The following SRPRB variants were observed in gnomAD, a reference collection of about 807,000 sequenced individuals.
The protein encoded by SRPRB is SRP receptor subunit beta.
In SRPRB, 20 loss-of-function variants were observed where a neutral mutation model predicts 31.9. That is an observed-to-expected ratio of 0.63 (90% CI 0.44 to 0.91). The LOEUF is 0.91. Among genes scored for constraint, SRPRB ranks in the 40% least tolerant of loss-of-function variants. The pLI is 0.00. For missense variants in SRPRB, 321 were observed against 324.9 expected (o/e 0.99, Z 0.09); for synonymous variants, 146 against 132.8 (o/e 1.10, Z -0.68).
chr3:133,807,663 C>T (rs1935186826), intron 2 of SRPRB, 83 bp from the exon 3 acceptor site: 5 of 927,404 alleles, frequency 5.4e-6, no homozygotes, highest in East Asian at 4.9e-5. Flanking sequence ...CTTAACCTTA[C>T]ACCTGGGAGA....
chr3:133,806,017 G>A lies in SRPRB; in HGVS notation c.154+15G>A, dbSNP rs540986369. ...GCTGACGCTAGGTAAAAGGCGGCCGGTGGTCATGGCGGGTTTGGGGCGGGC... is the reference window on the plus strand; with the variant it reads ...GCTGACGCTAGGTAAAAGGCGGCCGATGGTCATGGCGGGTTTGGGGCGGGC... On this transcript the variant is annotated intron_variant, in intron 1 of 6. Transcript: ENST00000678299. 11 of 1,610,782 alleles carry A rather than the reference G, an allele frequency of 6.8e-6. No individual in the cohort carries two copies. The East Asian group carries it at 2.5e-4, about 36-fold the overall frequency.
rs558613860 is a variant in SRPRB at position 133,814,139 on chromosome 3, T to C, written c.411-1451T>C. Among the ~76,000 whole-genome samples the C allele has an allele frequency of 2.0e-5, 3 of 151,978 alleles. No individual in the cohort carries two copies. In the East Asian group the frequency reaches 5.8e-4, roughly 29 times the overall value. ...CTTGTCCATAAGGCTTGTATTTTTTTTTTTTTTTTTGAGACGGAGTCTCGC... is the reference window on the plus strand; with the variant it reads ...CTTGTCCATAAGGCTTGTATTTTTTCTTTTTTTTTTGAGACGGAGTCTCGC... On this transcript the variant is annotated intron_variant, in intron 4 of 6. Transcript: ENST00000678299.
chr3:133,819,587 A>T lies in SRPRB; in HGVS notation c.637A>T (p.Ser213Cys). ...ACGAGTTACCCGTTCTGCTGCCCCC[A>T]GCACACTGGACAGTTCCAGCACTGC... ...TLRVTRSAAP[S>C]TLDSSSTAPA... Residue 213 changes from serine to cysteine, a missense_variant, in exon 7 of 7, where the codon AGC (serine) becomes TGC (cysteine). Transcript: ENST00000678299. 1 of 1,614,200 alleles carries T rather than the reference A, an allele frequency of 6.2e-7. No homozygotes were observed. The highest frequency in any genetic ancestry group is 8.5e-7 in the Non-Finnish European group (1 of 1,180,038).
intron 6 of SRPRB, among the ~76,000 whole-genome samples, chr3:133,818,949 T>G (rs1175724847): frequency 6.6e-6 from 1 of 152,136 alleles, no homozygotes; most frequent in Non-Finnish European, 1.5e-5. Context: ...TTCCTCTGCT[T>G]CTGGATAGCA....
Position 133,799,164 on chromosome 3 carries a change from G to C in SRPRB, c.-173-6512G>C, listed in dbSNP as rs370095848. On this transcript the variant is annotated intron_variant, in intron 1 of 7. Coordinates refer to the SRPRB transcript ENST00000466490. ...AAATCTTTCTCTAGAGGGATGTTTCGCCAAATCTATTATACTTCAAACACA... is the reference window on the plus strand; with the variant it reads ...AAATCTTTCTCTAGAGGGATGTTTCCCCAAATCTATTATACTTCAAACACA... Among the ~76,000 whole-genome samples the C allele has an allele frequency of 3.3e-5, 5 of 152,240 alleles. No homozygotes were observed. In the East Asian group the frequency reaches 9.6e-4, roughly 29 times the overall value.
chr3:133,817,613 G>C (rs1229472609), intron 6 of SRPRB, among the ~76,000 whole-genome samples: 1 of 152,218 alleles, frequency 6.6e-6, no homozygotes, highest in Admixed American at 6.5e-5. Flanking sequence ...AGCTGGTGTA[G>C]AAGAAATGAT....
intron 1 of SRPRB, chr3:133,784,427 A>G (rs1934598317): frequency 6.6e-6 from 1 of 150,918 alleles, no homozygotes; most frequent in Non-Finnish European, 1.5e-5. Flanking sequence ...GACTTATGAT[A>G]GAGTTAGAAA....
chr3:133,813,269 A>G (rs1298342821), intron 4 of SRPRB, among the ~76,000 whole-genome samples: 1 of 152,200 alleles, frequency 6.6e-6, no homozygotes, highest in African/African-American at 2.4e-5. Flanking sequence ...GATTCTCCTC[A>G]GTTTTGGAAA....
intron 1 of SRPRB, chr3:133,796,627 G>C (rs1341082823): frequency 1.3e-5 from 2 of 152,136 alleles, no homozygotes. Flanking sequence ...ATAAACCTCT[G>C]CTTTTGTTGC....
In SRPRB at chr3:133,821,489, G is replaced by T. The variant is rs1935473589; in HGVS notation, c.*1723G>T. The T allele has an allele frequency of 6.6e-6, 1 of 152,152 alleles. No homozygotes were observed. The highest frequency in any genetic ancestry group is 2.4e-5 in the African/African-American group (1 of 41,404). The allele number at this position is 152,152 out of a possible 1,614,324, so 9.4% of individuals were successfully genotyped here. A position where few individuals can be genotyped will look rare whatever the true frequency, so the allele number is the denominator to read the frequency against. On this transcript the variant is annotated 3_prime_UTR_variant, in exon 7 of 7. Transcript: ENST00000678299. ...TCAGTGGCTTGATGCTTCTGTTAGA[G>T]GCATGTGTCCCTCTCAGCCTCTTTT...
chr3:133,784,947 G>C (rs1311950828), intron 1 of SRPRB: 2 of 79,898 alleles, frequency 2.5e-5, no homozygotes, highest in African/African-American at 6.8e-5. Context: ...TTAGGGAGGT[G>C]GGGGGGTCAG....
upstream of SRPRB, among the ~76,000 whole-genome samples, chr3:133,803,623 C>T (rs189281225): frequency 6.6e-6 from 1 of 151,762 alleles, no homozygotes; most frequent in Non-Finnish European, 1.5e-5. Flanking sequence ...TCTAGCTACT[C>T]GCTGACACAT....
chr3:133,819,860 A>G lies in SRPRB; in HGVS notation c.*94A>G, dbSNP rs1935439440. ...GGAGTTGATGAGGAAGGGGTACAAG[A>G]TGTGGTTAGAAACATTTCTTTGTTC... On this transcript the variant is annotated 3_prime_UTR_variant, in exon 7 of 7. Transcript: ENST00000678299. 9.1e-7 allele frequency: 1 copy of G among 1,096,096 alleles called. No homozygotes were observed. 67.9% of individuals were successfully genotyped at this position (1,096,096 alleles called of 1,614,324 possible).
At chr3:133,809,909 A>T (rs1032211711) in intron 3 of SRPRB, among the ~76,000 whole-genome samples, 1 of 152,204 alleles carries the variant, frequency 6.6e-6, no homozygotes, top group Non-Finnish European at 1.5e-5. Flanking sequence ...AAAATTACAT[A>T]TGTGGCTTCT....
intron 1 of SRPRB, chr3:133,794,827 T>C (rs2107958073): frequency 6.6e-6 from 1 of 152,366 alleles, no homozygotes; most frequent in Middle Eastern, 3.4e-3. Context: ...GAGACTCTTA[T>C]CTTTGAATAT....
At chr3:133,810,131 C>A (rs947528137) in intron 3 of SRPRB, 1 of 151,914 alleles carries the variant, frequency 6.6e-6, no homozygotes, top group Admixed American at 6.6e-5. Flanking sequence ...AAGTCCCAAC[C>A]TGGGATCTCC....
chr3:133,822,623 T>C (rs1406156648), downstream of SRPRB, among the ~76,000 whole-genome samples: 1 of 152,244 alleles, frequency 6.6e-6, no homozygotes, highest in Admixed American at 6.5e-5. Context: ...AGTGTTCCCC[T>C]GTGGTCCTGC....
downstream of SRPRB, among the ~76,000 whole-genome samples, chr3:133,823,353 G>A (rs769649380): frequency 2.0e-5 from 3 of 152,138 alleles, no homozygotes; most frequent in Admixed American, 1.3e-4. Context: ...TCTGCCTCCC[G>A]GGTTCAAGTG....
rs1385090593 is a variant in SRPRB at position 133,815,598 on chromosome 3, T to G, written c.419T>G (p.Val140Gly). ...ERFKSSARAI[V>G]FVVDSAAFQR... ...TTGTTTTCTCCCTCCAGGGCTATTG[T>G]GTTTGTTGTGGATAGTGCAGCATTC... Residue 140 changes from valine (V) to glycine (G), a missense_variant, in exon 5 of 7, where the codon GTG (valine) becomes GGG (glycine). Physicochemically the swap from Val to Gly is moderately radical, Grantham distance 109. Transcript: ENST00000678299. The G allele has an allele frequency of 6.2e-7, 1 of 1,613,922 alleles. No homozygotes were observed. The highest frequency in any genetic ancestry group is 8.5e-7 in the Non-Finnish European group (1 of 1,179,966).
Sources: gnomAD v4.1 joint callset for allele counts (sites outside exome capture counted in the v4.1 genomes callset) on GRCh38, gnomAD v4.1.1 for gene constraint, MANE v1.5 for transcripts, NCBI Gene and HGNC (gene_info 2026-07-23, HGNC 2026-07-21) for gene names.